Variants in SNX24 observed in about 807,000 individuals in gnomAD.
SNX24 encodes sorting nexin 24, also known as sorting nexin-24.
In SNX24, 22 loss-of-function variants were observed where a neutral mutation model predicts 28.7. The observed-to-expected ratio is 0.77, with a 90% CI of 0.55 to 1.10. SNX24 has a LOEUF of 1.10. SNX24 is among the 50% of genes least tolerant of loss of function. SNX24 has a pLI of 0.00. For missense variants in SNX24, 221 were observed against 201.1 expected, an observed-to-expected ratio of 1.10 and a Z score of -0.60; for synonymous variants, 69 against 71.5, an observed-to-expected ratio of 0.96 and a Z score of 0.18.
intron 1 of SNX24, among the ~76,000 whole-genome samples, chr5:122,915,976 C>A (rs1758141817): frequency 6.6e-6 from 1 of 152,256 alleles, no homozygotes; most frequent in African/African-American, 2.4e-5. Flanking sequence ...CTGTTTCATG[C>A]CCTCTCAGTA....
At chr5:122,929,976 T>C (rs536626639) in intron 1 of SNX24, among the ~76,000 whole-genome samples, 1 of 152,316 alleles carries the variant, frequency 6.6e-6, no homozygotes, top group African/African-American at 2.4e-5. Context: ...TCCCTTGCCC[T>C]TGGTGGAAGA....
At position 122,938,939 on chromosome 5, in the gene SNX24, CAAAAAAAAAAAAAAA is replaced by C. The variant is rs1033177759; in HGVS notation, c.144+2141_144+2155del. ...TGGGCGACAGAGCGAGACTCCGTCT[CAAAAAAAAAAAAAAA>C]AAAAAAAAAAAAAAAAAAGGCAATG... On this transcript the variant is annotated intron_variant, in intron 2 of 6. Coordinates refer to ENST00000261369, the MANE Select transcript of SNX24 (RefSeq NM_014035.4). 2.1e-3 allele frequency among the ~76,000 whole-genome samples: 3 copies of C among 1,442 alleles called. 1 individual carries two copies. The highest frequency in any genetic ancestry group is 2.7e-3 in the Non-Finnish European group (3 of 1,116). 0.9% of individuals were successfully genotyped at this position (1,442 alleles called of 152,430 possible).
intron 1 of SNX24, among the ~76,000 whole-genome samples, chr5:122,849,614 A>G (rs927889568): frequency 2.6e-5 from 4 of 152,012 alleles, no homozygotes; most frequent in African/African-American, 9.7e-5. Flanking sequence ...GGGGAGGGGC[A>G]CCTCTAAATA....
At chr5:122,908,398 C>T (rs1428066558) in intron 1 of SNX24, among the ~76,000 whole-genome samples, 2 of 152,150 alleles carry the variant, frequency 1.3e-5, no homozygotes, top group Admixed American at 6.5e-5. Flanking sequence ...GCTGACATCT[C>T]CTTGGGGTAA....
intron 1 of SNX24, among the ~76,000 whole-genome samples, chr5:122,881,840 GTAAAT>G (rs1369547674): frequency 6.6e-6 from 1 of 151,344 alleles, no homozygotes; most frequent in Non-Finnish European, 1.5e-5. Flanking sequence ...AAAACATATA[GTAAAT>G]TAAAGATGTC....
chr5:122,872,581 A>G (rs1756032014), intron 1 of SNX24, among the ~76,000 whole-genome samples: 1 of 152,180 alleles, frequency 6.6e-6, no homozygotes, highest in South Asian at 2.1e-4. Context: ...TTGCATATAA[A>G]CTATGCACAT....
At chr5:122,904,928 C>T (rs1757585911) in intron 1 of SNX24, among the ~76,000 whole-genome samples, 1 of 152,178 alleles carries the variant, frequency 6.6e-6, no homozygotes, top group Non-Finnish European at 1.5e-5. Context: ...CGTATTTCCC[C>T]ACTCATGAGC....
intron 6 of SNX24, among the ~76,000 whole-genome samples, chr5:123,005,120 G>A (rs1485678249): frequency 6.6e-6 from 1 of 152,162 alleles, no homozygotes; most frequent in Non-Finnish European, 1.5e-5. Context: ...ATTTCTGATC[G>A]CTAGTTGGTG....
chr5:122,946,568 G>A (rs2150125745), intron 3 of SNX24, among the ~76,000 whole-genome samples: 1 of 152,248 alleles, frequency 6.6e-6, no homozygotes, highest in East Asian at 1.9e-4. Context: ...AGCGGGCCTG[G>A]CTAGTGTATC....
chr5:122,977,066 C>A (rs191339578), intron 3 of SNX24, among the ~76,000 whole-genome samples: 3 of 152,170 alleles, frequency 2.0e-5, no homozygotes. Context: ...AGGCATAGAC[C>A]ATACACTAGG....
chr5:123,017,989 G>T (rs1195871745), intron 5 of SNX24, among the ~76,000 whole-genome samples: 1 of 152,002 alleles, frequency 6.6e-6, no homozygotes, highest in Non-Finnish European at 1.5e-5. Flanking sequence ...CTGTCTGGGG[G>T]TAGATTATGA....
In SNX24 at chr5:122,963,271, G is replaced by C. The variant is rs527252201; in HGVS notation, c.249+17112G>C. On this transcript the variant is annotated intron_variant, in intron 3 of 6. Transcript: ENST00000261369. ...ATTAATTAATTCTCCTCTAGAGCTG[G>C]CCATGCTGTTTGGCGGCTCACAGCT... Among the ~76,000 whole-genome samples the C allele has an allele frequency of 1.3e-4, 20 of 152,246 alleles. No individual in the cohort carries two copies. The East Asian group carries it at 3.7e-3, about 28-fold the overall frequency.
At chr5:122,966,389 G>A (rs1037231719) in intron 3 of SNX24, among the ~76,000 whole-genome samples, 4 of 152,180 alleles carry the variant, frequency 2.6e-5, no homozygotes, top group Non-Finnish European at 2.9e-5. Flanking sequence ...TGAAAGATTC[G>A]ATAGTAAATA....
intron 3 of SNX24, among the ~76,000 whole-genome samples, chr5:122,968,329 AG>A (rs1209711325): frequency 6.6e-6 from 1 of 152,244 alleles, no homozygotes; most frequent in Non-Finnish European, 1.5e-5. Context: ...CCTGGGCAAC[AG>A]AGCGAGACTC....
At chr5:122,908,156 G>T (rs1757728236) in intron 1 of SNX24, among the ~76,000 whole-genome samples, 1 of 152,226 alleles carries the variant, frequency 6.6e-6, no homozygotes, top group Non-Finnish European at 1.5e-5. Context: ...AAGCTCTTGT[G>T]TACGGGGAGC....
intron 3 of SNX24, among the ~76,000 whole-genome samples, chr5:122,958,741 G>A (rs1445084278): frequency 2.7e-5 from 4 of 149,276 alleles, no homozygotes; most frequent in Non-Finnish European, 3.0e-5. Context: ...TGTATTTTTA[G>A]TAGAGACGGG....
At chr5:122,849,612 G>A (rs1754804739) in intron 1 of SNX24, among the ~76,000 whole-genome samples, 1 of 152,058 alleles carries the variant, frequency 6.6e-6, no homozygotes, top group Non-Finnish European at 1.5e-5. Flanking sequence ...GGGGGGAGGG[G>A]CACCTCTAAA....
intron 3 of SNX24, chr5:122,948,659 C>G (rs1361634693): frequency 6.6e-6 from 1 of 152,152 alleles, no homozygotes; most frequent in Non-Finnish European, 1.5e-5. Flanking sequence ...GAGTACAACC[C>G]CACACATTTC....
At chr5:122,860,687 C>T (rs1307069283) in intron 1 of SNX24, among the ~76,000 whole-genome samples, 4 of 152,126 alleles carry the variant, frequency 2.6e-5, no homozygotes, top group Non-Finnish European at 5.9e-5. Context: ...AGCTCTGCCT[C>T]CCGGGTTCAC....
Sources: allele counts gnomAD v4.1 joint callset (sites outside exome capture counted in the v4.1 genomes callset), GRCh38; gene constraint gnomAD v4.1.1; transcripts MANE v1.5; gene names NCBI Gene and HGNC (gene_info 2026-07-23, HGNC 2026-07-21).